RANBP17: variants seen among roughly 807,000 people sequenced by gnomAD.
The protein encoded by RANBP17 is ran-binding protein 17.
RANBP17 carries 158 observed loss-of-function variants against 141.2 expected under a neutral mutation model. The observed-to-expected ratio is 1.12, with a 90% CI of 0.98 to 1.28. The LOEUF is 1.28. Among genes scored for constraint, RANBP17 ranks in the 50% most tolerant of loss-of-function variants. The pLI, the probability that RANBP17 is intolerant of heterozygous loss-of-function variation, is 0.00. For synonymous variants in RANBP17, 430 were observed against 450.0 expected (o/e 0.96, Z 0.56); for missense variants, 1,438 against 1,290.7 (o/e 1.11, Z -1.75).
At chr5:171,060,499 C>T (rs1357614335) in intron 14 of RANBP17, among the ~76,000 whole-genome samples, 3 of 152,014 alleles carry the variant, frequency 2.0e-5, no homozygotes, top group Non-Finnish European at 2.9e-5. Context: ...AGCCTTGCAT[C>T]CCAGGGATGA....
chr5:170,915,624 CACCGTAAAGT>C (rs1229100900), intron 8 of RANBP17, among the ~76,000 whole-genome samples: 1 of 152,024 alleles, frequency 6.6e-6, no homozygotes, highest in African/African-American at 2.4e-5. Flanking sequence ...TCTCTTTTCT[CACCGTAAAGT>C]ACCTACCTTT....
At chr5:171,234,776 A>C (rs1031564143) in intron 22 of RANBP17, among the ~76,000 whole-genome samples, 2 of 152,220 alleles carry the variant, frequency 1.3e-5, no homozygotes, top group Non-Finnish European at 2.9e-5. Context: ...CCTTTTGGTT[A>C]TGTTGAATTT....
intron 14 of RANBP17, among the ~76,000 whole-genome samples, chr5:171,089,291 C>G (rs1298354867): frequency 1.9e-5 from 2 of 104,070 alleles, no homozygotes; most frequent in Non-Finnish European, 4.4e-5. Flanking sequence ...GGTCAGGGAC[C>G]CACTTGAGGA....
intron 25 of RANBP17, among the ~76,000 whole-genome samples, chr5:171,277,938 CTTTTTTTTTTTTTTTTTTTTT>C (rs140208253): frequency 2.8e-5 from 2 of 72,266 alleles, no homozygotes; most frequent in Non-Finnish European, 4.7e-5. Flanking sequence ...GGACTTCTTT[CTTTTTTTTTTTTTTTTTTTTT>C]TTTTTTTTTT....
At chr5:170,930,745 C>T (rs1220378640) in intron 12 of RANBP17, among the ~76,000 whole-genome samples, 2 of 152,012 alleles carry the variant, frequency 1.3e-5, no homozygotes, top group Non-Finnish European at 2.9e-5. Context: ...TGAACTTGTC[C>T]TTTTTTATGG....
chr5:170,926,820 A>C (rs1241553963), intron 12 of RANBP17, among the ~76,000 whole-genome samples: 1 of 152,206 alleles, frequency 6.6e-6, no homozygotes, highest in African/African-American at 2.4e-5. Flanking sequence ...ATGCATATAC[A>C]AAGAGTTATG....
chr5:171,055,628 G>C (rs1783290687), intron 14 of RANBP17, among the ~76,000 whole-genome samples: 1 of 151,970 alleles, frequency 6.6e-6, no homozygotes, highest in Non-Finnish European at 1.5e-5. Context: ...AAATACCTAT[G>C]AGTTGAGCAA....
chr5:170,910,863 C>T, intron 6 of RANBP17, 106 bp from the exon 7 acceptor site: 1 of 1,123,332 alleles, frequency 8.9e-7, no homozygotes, highest in Non-Finnish European at 1.3e-6. Context: ...ACTTTGTAAA[C>T]TCCTTTATTA....
rs189812902 is a variant in RANBP17, at chr5:171,062,322, G to C, written c.1710+93945G>C. On this transcript the variant is annotated intron_variant, in intron 14 of 27. Transcript: ENST00000523189. ...CCGGTTGTTCCTTTCCATGTTTAGT[G>C]CTTCCTTCAGGAGCTCTTGTAGGGC... Among the ~76,000 whole-genome samples, 818 of 152,246 alleles carry C rather than the reference G, an allele frequency of 5.4e-3. 12 individuals are homozygous for C. Among genetic ancestry groups the C allele is most frequent in the African/African-American group, 0.019 (791 of 41,548 alleles).
At chr5:171,133,552 T>C (rs551766084) in intron 14 of RANBP17, among the ~76,000 whole-genome samples, 1 of 152,314 alleles carries the variant, frequency 6.6e-6, no homozygotes, top group African/African-American at 2.4e-5. Context: ...CAATCTTTCA[T>C]ATATACTAAG....
At chr5:171,008,911 G>A (rs945071189) in intron 14 of RANBP17, among the ~76,000 whole-genome samples, 6 of 152,108 alleles carry the variant, frequency 3.9e-5, no homozygotes, top group Non-Finnish European at 8.8e-5. Flanking sequence ...TTGTAAGCGT[G>A]TTTTGATGAC....
intron 14 of RANBP17, among the ~76,000 whole-genome samples, chr5:171,152,167 C>T (rs1174960522): frequency 3.3e-5 from 5 of 151,784 alleles, no homozygotes; most frequent in Admixed American, 2.0e-4. Flanking sequence ...AATCCCAGCA[C>T]TTTGGGAGTC....
At chr5:171,197,169 A>G (rs969526946) in intron 18 of RANBP17, among the ~76,000 whole-genome samples, 1 of 152,182 alleles carries the variant, frequency 6.6e-6, no homozygotes, top group East Asian at 1.9e-4. Context: ...GTATTATTCT[A>G]TGTCAAGTGT....
intron 14 of RANBP17, among the ~76,000 whole-genome samples, chr5:171,046,205 C>CTTTT (rs1203505195): frequency 1.5e-5 from 2 of 131,378 alleles, no homozygotes; most frequent in African/African-American, 2.9e-5. Flanking sequence ...ATAGTTCTGC[C>CTTTT]TTTTTTTTTT....
intron 25 of RANBP17, among the ~76,000 whole-genome samples, chr5:171,277,768 A>G (rs766843546): frequency 6.7e-6 from 1 of 148,514 alleles, no homozygotes; most frequent in Non-Finnish European, 1.5e-5. Context: ...ACCCAGTATC[A>G]TACAGCTAAT....
chr5:171,056,035 A>G (rs1400544381), intron 14 of RANBP17, among the ~76,000 whole-genome samples: 1 of 152,186 alleles, frequency 6.6e-6, no homozygotes, highest in Non-Finnish European at 1.5e-5. Flanking sequence ...GTTTACAGGA[A>G]AATACTTTAT....
chr5:171,104,123 C>T (rs978826084), intron 14 of RANBP17, among the ~76,000 whole-genome samples: 1 of 152,198 alleles, frequency 6.6e-6, no homozygotes, highest in African/African-American at 2.4e-5. Flanking sequence ...CTGAAACCTC[C>T]ACCTCCTGGG....
intron 13 of RANBP17, among the ~76,000 whole-genome samples, chr5:170,964,863 T>C (rs1187711850): frequency 6.6e-6 from 1 of 152,186 alleles, no homozygotes; most frequent in African/African-American, 2.4e-5. Flanking sequence ...AACATACGTG[T>C]GCATGTGTCT....
intron 13 of RANBP17, among the ~76,000 whole-genome samples, chr5:170,956,793 T>C (rs539335162): frequency 6.8e-6 from 1 of 146,598 alleles, no homozygotes; most frequent in African/African-American, 2.5e-5. Flanking sequence ...AATAAACGAC[T>C]GGGCGCAGTG....
Sources: gnomAD v4.1 joint callset for allele counts (sites outside exome capture counted in the v4.1 genomes callset) on GRCh38, gnomAD v4.1.1 for gene constraint, MANE v1.5 for transcripts, NCBI Gene and HGNC (gene_info 2026-07-23, HGNC 2026-07-21) for gene names.